The following CHM variants were observed in gnomAD, a reference collection of about 807,000 sequenced individuals.
The protein encoded by CHM is CHM Rab escort protein.
A neutral mutation model predicts 49.0 loss-of-function variants in CHM; 10 were observed. The ratio of observed to expected loss-of-function variants is 0.20; its 90% CI spans 0.13 to 0.35. The LOEUF (loss-of-function observed/expected upper bound fraction) is 0.35. CHM is among the 10% of genes least tolerant of loss of function. CHM has a pLI of 1.00. For synonymous variants in CHM, 184 were observed against 167.5 expected (o/e 1.10, Z -0.76); for missense variants, 455 against 478.4 (o/e 0.95, Z 0.46).
At chrX:85,914,741 C>A (rs1028685813) in intron 8 of CHM, among the ~76,000 whole-genome samples, 2 of 111,617 alleles carry the variant, frequency 1.8e-5, no homozygotes, top group African/African-American at 6.5e-5. Context: ...TGTGCCCCAG[C>A]TGCCACAGCA....
chrX:85,862,854 G>C lies in CHM; in HGVS notation c.*1776C>G, dbSNP rs1923439568. The C allele has an allele frequency of 9.0e-6, 1 of 111,659 alleles. No homozygotes were observed. The highest frequency in any genetic ancestry group is 3.3e-5 in the African/African-American group (1 of 30,626). The allele number at this position is 111,659 out of a possible 1,213,427, so 9.2% of individuals were successfully genotyped here. ...TGAAACCTGGTGAGGTCAGGGACCA[G>C]CTGCAGTTGAAGTATGTAAGAACTA... On this transcript the variant is annotated 3_prime_UTR_variant, in exon 15 of 15. Coordinates refer to ENST00000357749, the MANE Select transcript of CHM (RefSeq NM_000390.4).
intron 12 of CHM, among the ~76,000 whole-genome samples, chrX:85,890,985 G>A (rs1009799716): frequency 9.0e-6 from 1 of 111,444 alleles, no homozygotes; most frequent in Admixed American, 9.5e-5. Flanking sequence ...AACTTGTTGG[G>A]AACTCGAGTA....
At chrX:86,041,726 GTATATA>G (rs3078104) in intron 1 of CHM, among the ~76,000 whole-genome samples, 10,212 of 83,506 alleles carry the variant, frequency 0.12, 894 homozygotes, top group African/African-American at 0.29. Flanking sequence ...TGGTGTGTGT[GTATATA>G]TATATATATA....
chrX:85,886,248 T>G (rs752243352), intron 12 of CHM, among the ~76,000 whole-genome samples: 1 of 112,125 alleles, frequency 8.9e-6, no homozygotes, highest in African/African-American at 3.2e-5. Context: ...TATGGCATAA[T>G]AAGCATATTT....
At chrX:85,937,986 T>C (rs1254567137) in intron 8 of CHM, among the ~76,000 whole-genome samples, 1 of 111,958 alleles carries the variant, frequency 8.9e-6, no homozygotes, top group Non-Finnish European at 1.9e-5. Flanking sequence ...CAAAATATAC[T>C]TAAATGTAAG....
intron 2 of CHM, among the ~76,000 whole-genome samples, chrX:86,006,734 A>G (rs1312540950): frequency 9.0e-6 from 1 of 111,670 alleles, no homozygotes; most frequent in Non-Finnish European, 1.9e-5. Context: ...AGAGAACAAC[A>G]AACCACTGCT....
At chrX:86,009,256 T>C (rs1490484862) in intron 2 of CHM, among the ~76,000 whole-genome samples, 1 of 112,650 alleles carries the variant, frequency 8.9e-6, no homozygotes, top group African/African-American at 3.2e-5. Flanking sequence ...TGGTCAATGA[T>C]ATACATCTGG....
intron 12 of CHM, among the ~76,000 whole-genome samples, chrX:85,881,519 C>T (rs1924759589): frequency 8.9e-6 from 1 of 111,861 alleles, no homozygotes; most frequent in African/African-American, 3.2e-5. Context: ...GGATGGGGGG[C>T]TATGCAGATT....
chrX:85,907,199 T>A (rs770279573), intron 9 of CHM, among the ~76,000 whole-genome samples: 1 of 112,177 alleles, frequency 8.9e-6, no homozygotes, highest in African/African-American at 3.2e-5. Context: ...ATTCCTGACA[T>A]CAGAAAAATA....
chrX:85,867,193 G>A (rs755644278), intron 14 of CHM, among the ~76,000 whole-genome samples: 15 of 111,589 alleles, frequency 1.3e-4, no homozygotes, highest in Non-Finnish European at 2.6e-4. Context: ...ATGGATTATG[G>A]GGGCACTTTT....
At chrX:85,989,688 C>T (rs7892102) in intron 2 of CHM, among the ~76,000 whole-genome samples, 19,315 of 110,764 alleles carry the variant, frequency 0.17, 1,571 homozygotes, top group Middle Eastern at 0.26. Context: ...GGACAAAGTA[C>T]ATGAACACTT....
At chrX:85,882,908 T>C (rs1284105977) in intron 12 of CHM, among the ~76,000 whole-genome samples, 1 of 111,094 alleles carries the variant, frequency 9.0e-6, no homozygotes, top group Admixed American at 9.6e-5. Context: ...TCTCTATATC[T>C]ACTTGGCCAA....
chrX:85,966,821 A>G (rs1052557572), intron 4 of CHM, among the ~76,000 whole-genome samples: 1 of 112,120 alleles, frequency 8.9e-6, no homozygotes, highest in African/African-American at 3.2e-5. Flanking sequence ...AAAACTGAGC[A>G]TAGCAAATGA....
chrX:85,898,184 T>A (rs1296833578), intron 11 of CHM, among the ~76,000 whole-genome samples: 1 of 111,132 alleles, frequency 9.0e-6, no homozygotes, highest in Non-Finnish European at 1.9e-5. Context: ...TGGTGATTAT[T>A]TTACATCTTT....
chrX:86,037,281 TA>T (rs1934290803), intron 1 of CHM, among the ~76,000 whole-genome samples: 1 of 109,306 alleles, frequency 9.1e-6, no homozygotes, highest in Admixed American at 9.8e-5. Flanking sequence ...TACGCCTGGA[TA>T]ATTTTTGTAT....
chrX:86,007,436 T>C (rs1045632953), intron 2 of CHM, among the ~76,000 whole-genome samples: 5 of 111,696 alleles, frequency 4.5e-5, no homozygotes, highest in African/African-American at 1.6e-4. Flanking sequence ...AAAGAGCTTC[T>C]GCACAGCAAA....
At chrX:85,868,622 T>C (rs1440856086) in intron 14 of CHM, among the ~76,000 whole-genome samples, 1 of 111,602 alleles carries the variant, frequency 9.0e-6, no homozygotes, top group Non-Finnish European at 1.9e-5. Flanking sequence ...ATCTGTTCCT[T>C]CCCCACTGAC....
At chrX:85,944,087 C>A (rs1195727690) in intron 8 of CHM, among the ~76,000 whole-genome samples, 1 of 111,875 alleles carries the variant, frequency 8.9e-6, no homozygotes, top group African/African-American at 3.2e-5. Context: ...ACTTCACATG[C>A]AGTTGAATAT....
At chrX:85,973,071 C>T (rs1236969427) in intron 4 of CHM, among the ~76,000 whole-genome samples, 6 of 110,007 alleles carry the variant, frequency 5.5e-5, no homozygotes, top group Non-Finnish European at 9.5e-5. Context: ...GAGGCCAAGA[C>T]GTGCAGATCA....
Sources: allele counts gnomAD v4.1 joint callset (sites outside exome capture counted in the v4.1 genomes callset), GRCh38; gene constraint gnomAD v4.1.1; transcripts MANE v1.5; gene names NCBI Gene and HGNC (gene_info 2026-07-23, HGNC 2026-07-21).